The following SIDT1 variants were observed in gnomAD, a reference collection of about 807,000 sequenced individuals.
SIDT1 encodes the protein SID1 transmembrane family, member 1.
A neutral mutation model predicts 107.5 loss-of-function variants in SIDT1; 101 were observed. That is an observed-to-expected ratio of 0.94 (90% CI 0.80 to 1.11). SIDT1 has a LOEUF of 1.11. Ranked by LOEUF, SIDT1 falls within the 50% of genes least tolerant of loss-of-function variation. The probability of loss-of-function intolerance (pLI) is 0.00; values close to 1 mark genes in which losing one functional copy is unlikely to be tolerated. For synonymous variants in SIDT1, 395 were observed against 398.2 expected (o/e 0.99, Z 0.10); for missense variants, 1,076 against 1,058.2 (o/e 1.02, Z -0.23).
intron 1 of SIDT1, among the ~76,000 whole-genome samples, chr3:113,534,129 T>C (rs1422930566): frequency 6.6e-6 from 1 of 152,170 alleles, no homozygotes; most frequent in African/African-American, 2.4e-5. Context: ...CTCCCCAGTG[T>C]ACCAACCTCT....
At chr3:113,593,140 AT>A in intron 10 of SIDT1, 92 bp downstream of exon 10, 1 of 1,076,328 alleles carries the variant, frequency 9.3e-7, no homozygotes, top group Non-Finnish European at 1.4e-6. Context: ...GCCTTTTGCA[AT>A]TTACAAACCC....
intron 6 of SIDT1, among the ~76,000 whole-genome samples, chr3:113,582,156 C>T (rs979452040): frequency 3.3e-5 from 5 of 152,102 alleles, no homozygotes; most frequent in Non-Finnish European, 5.9e-5. Flanking sequence ...AGAATATGGA[C>T]CATATTTGTA....
chr3:113,618,697 A>C (rs1946267249), intron 20 of SIDT1, among the ~76,000 whole-genome samples: 1 of 152,246 alleles, frequency 6.6e-6, no homozygotes, highest in African/African-American at 2.4e-5. Flanking sequence ...TACTACTTTT[A>C]AATAGTAGAT....
At chr3:113,606,462 T>C (rs1945341761) in intron 14 of SIDT1, 1 of 152,232 alleles carries the variant, frequency 6.6e-6, no homozygotes, top group Non-Finnish European at 1.5e-5. Flanking sequence ...TATTATGCAG[T>C]GAGAAAAAGG....
At chr3:113,603,366 A>G (rs1490275541) in intron 12 of SIDT1, among the ~76,000 whole-genome samples, 2 of 152,156 alleles carry the variant, frequency 1.3e-5, no homozygotes, top group Admixed American at 6.5e-5. Context: ...TAAAGAGCAC[A>G]GGGCATTAAA....
intron 23 of SIDT1, 172 bp from the exon 24 acceptor site, chr3:113,625,930 C>T: frequency 1.7e-6 from 1 of 571,760 alleles, no homozygotes; most frequent in Non-Finnish European, 3.1e-6. Flanking sequence ...GCTTTGGTTG[C>T]CTGTGCTTTT....
At chr3:113,630,164 G>A (rs968712554), downstream of SIDT1, among the ~76,000 whole-genome samples, 9 of 152,140 alleles carry the variant, frequency 5.9e-5, no homozygotes, top group Non-Finnish European at 8.8e-5. Context: ...GAGCGTAACC[G>A]GAGAAAAGCA....
chr3:113,544,187 GTTTGTT>G (rs550280955), intron 1 of SIDT1, among the ~76,000 whole-genome samples: 293 of 151,094 alleles, frequency 1.9e-3, no homozygotes, highest in Admixed American at 3.4e-3. Flanking sequence ...TTGTTTGTTT[GTTTGTT>G]TGTTTGTTTG....
At chr3:113,601,947 G>T in intron 11 of SIDT1, 1 of 313,560 alleles carries the variant, frequency 3.2e-6, no homozygotes, top group African/African-American at 2.2e-5. Flanking sequence ...TTCATATCCA[G>T]CCCGGGTTTA....
chr3:113,560,945 A>G (rs1941374724), intron 1 of SIDT1, among the ~76,000 whole-genome samples: 1 of 152,220 alleles, frequency 6.6e-6, no homozygotes, highest in South Asian at 2.1e-4. Context: ...ACTTAAATAA[A>G]TCTCTCTTAG....
chr3:113,629,788 C>T (rs1301481816), downstream of SIDT1, among the ~76,000 whole-genome samples: 1 of 152,212 alleles, frequency 6.6e-6, no homozygotes, highest in East Asian at 1.9e-4. Flanking sequence ...GTGGACTGTG[C>T]TGCTGAAGCC....
chr3:113,549,214 T>C (rs1939938379), intron 1 of SIDT1, among the ~76,000 whole-genome samples: 1 of 151,918 alleles, frequency 6.6e-6, no homozygotes, highest in Non-Finnish European at 1.5e-5. Context: ...TGCTATAAAA[T>C]GTGTGTGCGG....
intron 1 of SIDT1, among the ~76,000 whole-genome samples, chr3:113,553,975 A>T (rs924232368): frequency 1.3e-5 from 2 of 152,202 alleles, no homozygotes; most frequent in South Asian, 4.1e-4. Context: ...TGAACCCAGG[A>T]GGCAGAGGTT....
chr3:113,546,383 T>C (rs1576714773), intron 1 of SIDT1, among the ~76,000 whole-genome samples: 1 of 152,202 alleles, frequency 6.6e-6, no homozygotes, highest in Non-Finnish European at 1.5e-5. Flanking sequence ...TTTTTTTTCT[T>C]CCTTTTTAGA....
At chr3:113,541,501 T>C (rs902934685) in intron 1 of SIDT1, among the ~76,000 whole-genome samples, 1 of 152,226 alleles carries the variant, frequency 6.6e-6, no homozygotes, top group Non-Finnish European at 1.5e-5. Flanking sequence ...CTAGTCCTTA[T>C]GTTAATGTCA....
chr3:113,551,961 T>A (rs915834597), intron 1 of SIDT1, among the ~76,000 whole-genome samples: 3 of 152,094 alleles, frequency 2.0e-5, no homozygotes, highest in Middle Eastern at 3.2e-3. Context: ...AGGGAAGTGT[T>A]ATTCCTGAGA....
At chr3:113,600,344 A>G (rs1284598139) in intron 10 of SIDT1, among the ~76,000 whole-genome samples, 4 of 151,818 alleles carry the variant, frequency 2.6e-5, no homozygotes, top group Non-Finnish European at 4.4e-5. Flanking sequence ...AAAAAAAAAT[A>G]AGTTCTCACC....
chr3:113,612,153 C>T lies in SIDT1; in HGVS notation c.1925C>T (p.Ala642Val). 1.2e-6 allele frequency: 2 copies of T among 1,614,110 alleles called. No individual in the cohort carries two copies. The highest frequency in any genetic ancestry group is 1.7e-6 in the Non-Finnish European group (2 of 1,179,972). The change falls in exon 19 of 25, where the codon GCC (alanine) becomes GTC (valine). Residue 642 changes from alanine to valine, a missense_variant. Transcript: ENST00000264852. ...FSAIHVLASL[A>V]LSTQIYYMGR... ...GCAATCCACGTTCTGGCCTCGCTAGCCCTCAGCACCCAGATATATTATATG... is the reference window on the plus strand; with the variant it reads ...GCAATCCACGTTCTGGCCTCGCTAGTCCTCAGCACCCAGATATATTATATG...
At chr3:113,586,311 A>G (rs1286450759) in intron 9 of SIDT1, among the ~76,000 whole-genome samples, 1 of 152,232 alleles carries the variant, frequency 6.6e-6, no homozygotes, top group East Asian at 1.9e-4. Context: ...TGATAAAGGA[A>G]GGAAGGGCCT....
Sources: gnomAD v4.1 joint callset for allele counts (sites outside exome capture counted in the v4.1 genomes callset) on GRCh38, gnomAD v4.1.1 for gene constraint, MANE v1.5 for transcripts, NCBI Gene and HGNC (gene_info 2026-07-23, HGNC 2026-07-21) for gene names.